AKAP13: variants seen among roughly 807,000 people sequenced by gnomAD.
The protein encoded by AKAP13 is A-kinase anchor protein 13.
A neutral mutation model predicts 264.5 loss-of-function variants in AKAP13; 80 were observed. The observed-to-expected ratio is 0.30, with a 90% CI of 0.25 to 0.36. AKAP13 has a LOEUF of 0.36. Ranked by LOEUF, AKAP13 falls within the 10% of genes least tolerant of loss-of-function variation. AKAP13 has a pLI of 1.00. For synonymous variants in AKAP13, 1,380 were observed against 1,250.2 expected (o/e 1.10, Z -2.19); for missense variants, 3,712 against 3,435.2 (o/e 1.08, Z -2.01).
intron 1 of AKAP13, among the ~76,000 whole-genome samples, chr15:85,461,717 G>A (rs2074526081): frequency 6.6e-6 from 1 of 151,726 alleles, no homozygotes; most frequent in African/African-American, 2.4e-5. Context: ...TTCTTTTCCT[G>A]TTGATAGTTT....
At position 85,591,243 on chromosome 15, in the gene AKAP13, T is replaced by C. The variant is rs551219670; in HGVS notation, c.4161+5420T>C. ...GTGAATAATTTTTCCCATTATACTATTTCCTGAAGAATCATCTGAGGGTAC... is the reference window on the plus strand; with the variant it reads ...GTGAATAATTTTTCCCATTATACTACTTCCTGAAGAATCATCTGAGGGTAC... On this transcript the variant is annotated intron_variant, in intron 8 of 36. Coordinates refer to ENST00000394518, the MANE Select transcript of AKAP13 (RefSeq NM_007200.5). Among the ~76,000 whole-genome samples, 30 of 152,332 alleles carry C rather than the reference T, an allele frequency of 2.0e-4. No homozygotes were observed. In the South Asian group the frequency reaches 6.0e-3, roughly 30 times the overall value.
chr15:85,669,100 G>A (rs1352722414), intron 13 of AKAP13, among the ~76,000 whole-genome samples: 1 of 152,164 alleles, frequency 6.6e-6, no homozygotes, highest in Non-Finnish European at 1.5e-5. Flanking sequence ...GCTGCGCGTG[G>A]TGGCGCGCAC....
At chr15:85,498,550 C>T (rs945491597) in intron 2 of AKAP13, among the ~76,000 whole-genome samples, 2 of 152,174 alleles carry the variant, frequency 1.3e-5, no homozygotes, top group Admixed American at 6.5e-5. Flanking sequence ...CATCTCTGCA[C>T]GTGAGGATGG....
chr15:85,661,740 T>C (rs931208900), intron 12 of AKAP13, among the ~76,000 whole-genome samples: 1 of 152,124 alleles, frequency 6.6e-6, no homozygotes, highest in African/African-American at 2.4e-5. Flanking sequence ...GTTTTCATTA[T>C]CATTAAAACA....
intron 10 of AKAP13, among the ~76,000 whole-genome samples, chr15:85,647,791 G>A (rs986077732): frequency 6.6e-6 from 1 of 152,066 alleles, no homozygotes; most frequent in Non-Finnish European, 1.5e-5. Context: ...TAAAAATAGT[G>A]GTGGCGGGCA....
chr15:85,455,931 A>G (rs775488291), intron 1 of AKAP13, among the ~76,000 whole-genome samples: 3 of 152,224 alleles, frequency 2.0e-5, no homozygotes, highest in South Asian at 4.1e-4. Flanking sequence ...TTTAAGTCAG[A>G]TAGTGTGACT....
chr15:85,717,593 G>A lies in AKAP13; in HGVS notation c.5848+191G>A, dbSNP rs557216953. Reference sequence around the variant, plus strand: ...ATCAGACTCATCCAGCAGCTGTCAAGTGAAGGATGTCATTTATTTCGATGT... The same window carrying A: ...ATCAGACTCATCCAGCAGCTGTCAAATGAAGGATGTCATTTATTTCGATGT... On this transcript the variant is annotated intron_variant, in intron 21 of 36. Coordinates refer to ENST00000394518, the MANE Select transcript of AKAP13 (RefSeq NM_007200.5). Among the ~76,000 whole-genome samples, 64 of 152,342 alleles carry A rather than the reference G, an allele frequency of 4.2e-4. 1 individual carries two copies. The South Asian group carries it at 0.012, about 30-fold the overall frequency.
intron 1 of AKAP13, among the ~76,000 whole-genome samples, chr15:85,399,527 A>AAAT (rs2071311314): frequency 1.2e-4 from 14 of 114,774 alleles, no homozygotes; most frequent in East Asian, 2.3e-4. Flanking sequence ...AAAAAATAAA[A>AAAT]AAATAAAAAA....
intron 8 of AKAP13, among the ~76,000 whole-genome samples, chr15:85,625,111 C>A (rs952140070): frequency 6.6e-6 from 1 of 152,184 alleles, no homozygotes; most frequent in Non-Finnish European, 1.5e-5. Flanking sequence ...GTTTTGGTGA[C>A]TTGTCTCTCT....
intron 2 of AKAP13, among the ~76,000 whole-genome samples, chr15:85,503,964 G>C (rs1359293864): frequency 6.6e-6 from 1 of 152,142 alleles, no homozygotes; most frequent in Non-Finnish European, 1.5e-5. Flanking sequence ...TGGGGGCTTT[G>C]TGTGCTGTGT....
At chr15:85,584,907 A>G (rs982771734) in intron 7 of AKAP13, among the ~76,000 whole-genome samples, 3 of 152,184 alleles carry the variant, frequency 2.0e-5, no homozygotes, top group Non-Finnish European at 2.9e-5. Context: ...TGACTGTTCA[A>G]TCATGAGTCC....
intron 1 of AKAP13, among the ~76,000 whole-genome samples, chr15:85,426,492 T>C (rs2072784680): frequency 6.8e-6 from 1 of 147,464 alleles, no homozygotes; most frequent in Admixed American, 6.8e-5. Context: ...GTTTTTGTTT[T>C]TTTGTTTTTT....
chr15:85,392,439 G>A (rs1013080165), intron 1 of AKAP13, among the ~76,000 whole-genome samples: 1 of 151,762 alleles, frequency 6.6e-6, no homozygotes, highest in African/African-American at 2.4e-5. Context: ...ATTTTTAGTA[G>A]AGACAGGGTT....
chr15:85,744,846 T>A lies in AKAP13; in HGVS notation c.*169T>A. ...AATAAGCAACAGATGATATTGAGTGTCGGGTGGGGAAGGAGGCCCAGACTC... is the reference window on the plus strand; with the variant it reads ...AATAAGCAACAGATGATATTGAGTGACGGGTGGGGAAGGAGGCCCAGACTC... On this transcript the variant is annotated 3_prime_UTR_variant, in exon 37 of 37. Coordinates refer to ENST00000394518, the MANE Select transcript of AKAP13 (RefSeq NM_007200.5). 1 of 569,310 alleles carries A rather than the reference T, an allele frequency of 1.8e-6. No homozygotes were observed. The highest frequency in any genetic ancestry group is 3.0e-6 in the Non-Finnish European group (1 of 333,372). The allele number at this position is 569,310 out of a possible 1,614,324, so 35.3% of individuals were successfully genotyped here. A position where few individuals can be genotyped will look rare whatever the true frequency, so the allele number is the denominator to read the frequency against.
At chr15:85,482,620 A>C (rs1266591800) in intron 1 of AKAP13, among the ~76,000 whole-genome samples, 1 of 152,222 alleles carries the variant, frequency 6.6e-6, no homozygotes, top group Non-Finnish European at 1.5e-5. Context: ...ACACGTTTTA[A>C]CGTCAGACTG....
chr15:85,472,491 T>C (rs902510928), intron 1 of AKAP13, among the ~76,000 whole-genome samples: 2 of 152,244 alleles, frequency 1.3e-5, no homozygotes, highest in African/African-American at 4.8e-5. Flanking sequence ...TCAACTTTTC[T>C]GAACTCTTTT....
chr15:85,555,618 AG>A (rs1567122398), intron 5 of AKAP13: 5 of 570,384 alleles, frequency 8.8e-6, no homozygotes, highest in African/African-American at 5.8e-5. Context: ...TTGTGTTGTT[AG>A]GATCAGAAAA....
At chr15:85,667,877 C>T (rs1308689874) in intron 13 of AKAP13, among the ~76,000 whole-genome samples, 1 of 152,158 alleles carries the variant, frequency 6.6e-6, no homozygotes, top group Non-Finnish European at 1.5e-5. Flanking sequence ...ACAGATAACC[C>T]TGCATTTTAG....
intron 8 of AKAP13, among the ~76,000 whole-genome samples, chr15:85,612,612 A>G (rs1229435029): frequency 6.6e-6 from 1 of 152,120 alleles, no homozygotes; most frequent in Non-Finnish European, 1.5e-5. Flanking sequence ...ATTTGAGGTC[A>G]GGAGTTCAAG....
Sources: allele counts gnomAD v4.1 joint callset (sites outside exome capture counted in the v4.1 genomes callset), GRCh38; gene constraint gnomAD v4.1.1; transcripts MANE v1.5; gene names NCBI Gene and HGNC (gene_info 2026-07-23, HGNC 2026-07-21).